RELN: variants seen among roughly 807,000 people sequenced by gnomAD.
RELN encodes reelin.
RELN carries 108 observed loss-of-function variants against 427.6 expected under a neutral mutation model. That is an observed-to-expected ratio of 0.25 (90% confidence interval 0.22 to 0.30). RELN has a LOEUF of 0.30. Ranked by LOEUF, RELN falls within the 10% of genes least tolerant of loss-of-function variation. The pLI is 1.00. For missense variants in RELN, 3,715 were observed against 4,302.8 expected, an observed-to-expected ratio of 0.86 and a Z score of 3.82; for synonymous variants, 1,524 against 1,513.4, an observed-to-expected ratio of 1.01 and a Z score of -0.16.
chr7:103,798,591 C>T (rs960844098), intron 3 of RELN, among the ~76,000 whole-genome samples: 1 of 152,122 alleles, frequency 6.6e-6, no homozygotes, highest in African/African-American at 2.4e-5. Flanking sequence ...ATCTTAGGGG[C>T]CAGTCATCAT....
intron 10 of RELN, among the ~76,000 whole-genome samples, chr7:103,682,668 G>T (rs1833680750): frequency 6.6e-6 from 1 of 152,188 alleles, no homozygotes; most frequent in African/African-American, 2.4e-5. Context: ...TTTCTTACTT[G>T]CCATTCAAGT....
At chr7:103,826,051 G>A (rs39347) in intron 3 of RELN, among the ~76,000 whole-genome samples, 61,398 of 151,742 alleles carry the variant, frequency 0.4, 12,664 homozygotes, top group Middle Eastern at 0.54. Flanking sequence ...GAGTAGAGTA[G>A]TTACCTCAGG....
rs78171957 is a variant in RELN at position 103,645,244 on chromosome 7, A to G, written c.2003-4635T>C. On this transcript the variant is annotated intron_variant, in intron 16 of 64. Coordinates refer to ENST00000428762, the MANE Select transcript of RELN (RefSeq NM_005045.4). ...TGAGACTGCAAAGCAACAAGATAAC[A>G]ACTAACATTATAACAGGAATAAAAA... Among the ~76,000 whole-genome samples the G allele has an allele frequency of 1.0e-3, 159 of 151,958 alleles. 4 individuals carry two copies. The highest frequency in any genetic ancestry group is 3.4e-3 in the Middle Eastern group (1 of 294).
chr7:103,505,632 TGAAAATTCCAAAAGCCA>T (rs915238482), intron 51 of RELN, among the ~76,000 whole-genome samples: 165 of 152,252 alleles, frequency 1.1e-3, no homozygotes, highest in African/African-American at 3.5e-3. Flanking sequence ...GCAAAAAGGC[TGAAAATTCCAAAAGCCA>T]GAAAATTCCA....
intron 8 of RELN, among the ~76,000 whole-genome samples, chr7:103,707,321 T>C (rs1044255197): frequency 3.3e-5 from 5 of 152,020 alleles, no homozygotes; most frequent in African/African-American, 9.7e-5. Flanking sequence ...AAAGGCACTA[T>C]AAAGAGAGCT....
chr7:103,858,673 T>C (rs540172278), intron 2 of RELN, among the ~76,000 whole-genome samples: 20 of 152,214 alleles, frequency 1.3e-4, no homozygotes, highest in Non-Finnish European at 2.4e-4. Context: ...CTGTCATTAG[T>C]GCATCCTTTA....
chr7:103,779,753 G>A (rs2116224724), intron 3 of RELN, among the ~76,000 whole-genome samples: 1 of 152,236 alleles, frequency 6.6e-6, no homozygotes, highest in African/African-American at 2.4e-5. Flanking sequence ...TGTTGAGATG[G>A]AGTCTTGCTC....
At chr7:103,551,477 T>G (rs1382337077) in intron 40 of RELN, among the ~76,000 whole-genome samples, 181 bp from the exon 41 acceptor site, 2 of 152,184 alleles carry the variant, frequency 1.3e-5, no homozygotes, top group Non-Finnish European at 2.9e-5. Context: ...AAATTATAAT[T>G]TTTCATAAAG....
At chr7:103,909,707 TATAA>T (rs1295868490) in intron 2 of RELN, among the ~76,000 whole-genome samples, 16 of 50,536 alleles carry the variant, frequency 3.2e-4, no homozygotes, top group East Asian at 5.2e-4. Flanking sequence ...ATTTAATATA[TATAA>T]ATATATATTA....
intron 1 of RELN, among the ~76,000 whole-genome samples, chr7:103,984,576 T>A (rs2116849934): frequency 6.6e-6 from 1 of 152,258 alleles, no homozygotes; most frequent in African/African-American, 2.4e-5. Context: ...GAAGCAAGAT[T>A]TATGATTTAA....
chr7:103,694,145 G>C (rs1202161313), intron 10 of RELN, among the ~76,000 whole-genome samples: 1 of 152,104 alleles, frequency 6.6e-6, no homozygotes, highest in African/African-American at 2.4e-5. Flanking sequence ...CAAGAGACTT[G>C]AGAAAAACAA....
At chr7:103,487,413 G>A (rs7808876) in intron 60 of RELN, among the ~76,000 whole-genome samples, 76,407 of 136,236 alleles carry the variant, frequency 0.56, 22,918 homozygotes, top group African/African-American at 0.83. Context: ...AAAAAAAAAA[G>A]AGAAATATAA....
At chr7:103,798,018 T>C (rs1792351632) in intron 3 of RELN, among the ~76,000 whole-genome samples, 1 of 152,244 alleles carries the variant, frequency 6.6e-6, no homozygotes, top group Admixed American at 6.5e-5. Flanking sequence ...CTGTGATTTG[T>C]GCCTTTGGTC....
chr7:103,813,077 T>G (rs895328731), intron 3 of RELN, among the ~76,000 whole-genome samples: 2 of 152,212 alleles, frequency 1.3e-5, no homozygotes, highest in Non-Finnish European at 2.9e-5. Context: ...ATTAACTTGC[T>G]CTTTTCCCTC....
intron 10 of RELN, among the ~76,000 whole-genome samples, chr7:103,696,775 C>A (rs1833985019): frequency 6.6e-6 from 1 of 152,084 alleles, no homozygotes; most frequent in African/African-American, 2.4e-5. Context: ...ACTTTTTCTT[C>A]CTTCCGTTCA....
chr7:103,557,764 T>C (rs1424115937), intron 37 of RELN, among the ~76,000 whole-genome samples: 1 of 152,240 alleles, frequency 6.6e-6, no homozygotes, highest in Non-Finnish European at 1.5e-5. Flanking sequence ...TATGAAATTA[T>C]TTAAAATCAG....
intron 1 of RELN, among the ~76,000 whole-genome samples, chr7:103,930,438 G>T (rs1030499703): frequency 1.3e-5 from 2 of 151,710 alleles, no homozygotes; most frequent in Non-Finnish European, 2.9e-5. Context: ...GGGGACGGGT[G>T]GGGGGTGTGG....
rs140351125 is a variant in RELN at position 103,945,147 on chromosome 7, C to A, written c.227-27962G>T. ...TAGCAAGAGTCTCTGAATTACATGG[C>A]AAATACTGGGAGCTCCCAGAGGGAG... On this transcript the variant is annotated intron_variant, in intron 1 of 64. Transcript: ENST00000428762. 8.9e-4 allele frequency among the ~76,000 whole-genome samples: 136 copies of A among 152,226 alleles called. 1 individual carries two copies. In the East Asian group the frequency reaches 0.02, roughly 22 times the overall value.
chr7:103,868,517 T>C (rs939248180), intron 2 of RELN, among the ~76,000 whole-genome samples: 4 of 152,104 alleles, frequency 2.6e-5, no homozygotes, highest in African/African-American at 9.7e-5. Context: ...GTTTAATTAT[T>C]TGTGCCATAA....
Sources: allele counts gnomAD v4.1 joint callset (sites outside exome capture counted in the v4.1 genomes callset), GRCh38; gene constraint gnomAD v4.1.1; transcripts MANE v1.5; gene names NCBI Gene and HGNC (gene_info 2026-07-23, HGNC 2026-07-21).